UBA6: variants seen among roughly 807,000 people sequenced by gnomAD.
UBA6 encodes ubiquitin like modifier activating enzyme 6, also known as ubiquitin-like modifier-activating enzyme 6.
Under a neutral mutation model 148.3 loss-of-function variants are expected in UBA6, and 87 were observed. That is an observed-to-expected ratio of 0.59 (90% CI 0.49 to 0.70). UBA6 has a LOEUF of 0.70. Ranked by LOEUF, UBA6 falls within the 30% of genes least tolerant of loss-of-function variation. The pLI, the probability that UBA6 is intolerant of heterozygous loss-of-function variation, is 0.00. For synonymous variants in UBA6, 376 were observed against 401.0 expected (o/e 0.94, Z 0.75); for missense variants, 1,186 against 1,241.2 (o/e 0.96, Z 0.67).
chr4:67,625,504 C>G (rs1728847568), intron 28 of UBA6, among the ~76,000 whole-genome samples: 1 of 151,852 alleles, frequency 6.6e-6, no homozygotes, highest in Admixed American at 6.6e-5. Flanking sequence ...CTGCACATCT[C>G]CTATCAAGTG....
intron 21 of UBA6, 34 bp from the exon 22 acceptor site, chr4:67,634,356 T>C (rs1729083851): frequency 6.4e-7 from 1 of 1,559,210 alleles, no homozygotes; most frequent in South Asian, 1.2e-5. Context: ...AAATTACAAA[T>C]AGAAGTCTGT....
chr4:67,659,633 T>C (rs1403805672), intron 13 of UBA6, among the ~76,000 whole-genome samples: 6 of 151,810 alleles, frequency 4.0e-5, no homozygotes, highest in Non-Finnish European at 8.8e-5. Flanking sequence ...ATATATAAAA[T>C]ACATATATTT....
chr4:67,646,960 A>C (rs1024460135), intron 14 of UBA6, among the ~76,000 whole-genome samples, 169 bp from the exon 15 acceptor site: 5 of 151,926 alleles, frequency 3.3e-5, no homozygotes, highest in African/African-American at 1.2e-4. Flanking sequence ...ACATTTCTAT[A>C]TCTCTCATTA....
intron 5 of UBA6, 77 bp downstream of exon 5, chr4:67,678,362 T>A: frequency 1.2e-6 from 1 of 804,714 alleles, no homozygotes; most frequent in African/African-American, 1.8e-5. Context: ...TATGACTGAT[T>A]GGTGTTCTAG....
At chr4:67,670,688 A>AATT in intron 7 of UBA6, 96 bp from the exon 8 acceptor site, 1 of 918,422 alleles carries the variant, frequency 1.1e-6, no homozygotes, top group Non-Finnish European at 1.7e-6. Flanking sequence ...TTTATAATTA[A>AATT]GTATACCTTA....
chr4:67,665,139 T>C, intron 10 of UBA6, 50 bp downstream of exon 10: 2 of 1,190,874 alleles, frequency 1.7e-6, no homozygotes, highest in South Asian at 3.0e-5. Context: ...CTCTTCTGCC[T>C]TTCTTTTTCT....
rs973881036 is a variant in UBA6, at chr4:67,616,034, T to C, written c.*2963A>G. 1.0e-5 allele frequency: 4 copies of C among 387,328 alleles called. No individual in the cohort carries two copies. Among genetic ancestry groups the C allele is most frequent in the Non-Finnish European group, 1.4e-5 (3 of 218,638 alleles). 24.0% of individuals were successfully genotyped at this position (387,328 alleles called of 1,614,324 possible). On this transcript the variant is annotated 3_prime_UTR_variant, in exon 33 of 33. Coordinates refer to ENST00000322244, the MANE Select transcript of UBA6 (RefSeq NM_018227.6). ...CTGCATATTTATATTTTATGTATTT[T>C]TGAATATATATGTGTTTTTGAAAAA...
At chr4:67,695,819 C>T (rs145958880) in intron 2 of UBA6, among the ~76,000 whole-genome samples, 3 of 152,246 alleles carry the variant, frequency 2.0e-5, no homozygotes, top group African/African-American at 7.2e-5. Flanking sequence ...GAGTACAAAA[C>T]AGGATTTGGA....
At chr4:67,657,150 A>G (rs1729718905) in intron 13 of UBA6, among the ~76,000 whole-genome samples, 1 of 152,202 alleles carries the variant, frequency 6.6e-6, no homozygotes, top group South Asian at 2.1e-4. Context: ...CAAGCTACCA[A>G]TGACTTTCTT....
chr4:67,659,600 A>AGTTTTGGGTATTTTAT (rs1729789090), intron 13 of UBA6, among the ~76,000 whole-genome samples: 1 of 152,048 alleles, frequency 6.6e-6, no homozygotes, highest in African/African-American at 2.4e-5. Context: ...TAAAATACCC[A>AGTTTTGGGTATTTTAT]AAACTGGGTA....
chr4:67,670,751 T>C (rs926951482), intron 7 of UBA6, among the ~76,000 whole-genome samples, 159 bp from the exon 8 acceptor site: 3 of 152,174 alleles, frequency 2.0e-5, no homozygotes, highest in Admixed American at 2.0e-4. Flanking sequence ...TGATGCAGAA[T>C]AGTTTAGGAA....
chr4:67,627,727 A>C (rs1391068875), intron 27 of UBA6, among the ~76,000 whole-genome samples: 1 of 151,708 alleles, frequency 6.6e-6, no homozygotes, highest in African/African-American at 2.4e-5. Context: ...ACGCAGAACG[A>C]AAGACTGCAC....
chr4:67,649,441 A>C (rs927893489), intron 13 of UBA6, among the ~76,000 whole-genome samples: 1 of 152,280 alleles, frequency 6.6e-6, no homozygotes, highest in African/African-American at 2.4e-5. Flanking sequence ...TTTGGATTCT[A>C]TATGTCACTC....
chr4:67,619,143 T>C lies in UBA6; in HGVS notation c.3024-11A>G. 6.3e-7 allele frequency: 1 copy of C among 1,580,576 alleles called. No individual in the cohort carries two copies. On this transcript the variant is annotated splice_polypyrimidine_tract_variant and intron_variant, in intron 32 of 32. Coordinates refer to ENST00000322244, the MANE Select transcript of UBA6 (RefSeq NM_018227.6). ...ACAAGTTTATGCATTCTAAGAAAAA[T>C]AAGCAAGAATGAATACTTTGGTAAA...
At chr4:67,656,603 C>T (rs190475288) in intron 13 of UBA6, among the ~76,000 whole-genome samples, 51 of 152,294 alleles carry the variant, frequency 3.3e-4, no homozygotes, top group Admixed American at 6.5e-4. Context: ...TGGAAGCATT[C>T]CCTTGGAAAA....
rs552734022 is a variant in UBA6 at position 67,636,808 on chromosome 4, C to T, written c.1737-1250G>A. The stretch of plus-strand genomic sequence containing the variant: ...GCCGAGATTGCAGCCTCTGCCCGGC[C>T]GCCACCCCGTCTGGGAAGTGAGGAG... On this transcript the variant is annotated intron_variant, in intron 19 of 32. Transcript: ENST00000322244. Among the ~76,000 whole-genome samples, 763 of 152,226 alleles carry T rather than the reference C, an allele frequency of 5.0e-3. 9 individuals carry two copies. The highest frequency in any genetic ancestry group is 0.017 in the African/African-American group (713 of 41,582).
At chr4:67,672,956 T>C (rs55644015) in intron 7 of UBA6, among the ~76,000 whole-genome samples, 34,902 of 152,076 alleles carry the variant, frequency 0.23, 4,169 homozygotes, top group Middle Eastern at 0.3. Context: ...TTCATAGGAC[T>C]TGAAACTATT....
intron 13 of UBA6, among the ~76,000 whole-genome samples, chr4:67,651,791 G>T (rs1729559237): frequency 6.6e-6 from 1 of 151,826 alleles, no homozygotes. Flanking sequence ...CATATATATG[G>T]TTAAAAAAAA....
chr4:67,689,512 T>C (rs975986959), intron 2 of UBA6, among the ~76,000 whole-genome samples: 5 of 152,114 alleles, frequency 3.3e-5, no homozygotes, highest in African/African-American at 1.2e-4. Context: ...CCCCAATTCC[T>C]GAGAAAAGAG....
Sources: allele counts gnomAD v4.1 joint callset (sites outside exome capture counted in the v4.1 genomes callset), GRCh38; gene constraint gnomAD v4.1.1; transcripts MANE v1.5; gene names NCBI Gene and HGNC (gene_info 2026-07-23, HGNC 2026-07-21).